SEC14L6: variants seen among roughly 807,000 people sequenced by gnomAD.
SEC14L6 encodes the protein SEC14-like protein 6.
A neutral mutation model predicts 54.1 loss-of-function variants in SEC14L6; 40 were observed. The ratio of observed to expected loss-of-function variants is 0.74; its 90% CI spans 0.57 to 0.96. SEC14L6 has a LOEUF of 0.96. SEC14L6 is among the 40% of genes least tolerant of loss of function. The pLI, the probability that SEC14L6 is intolerant of heterozygous loss-of-function variation, is 0.00. For missense variants in SEC14L6, 471 were observed against 498.3 expected (o/e 0.95, Z 0.52); for synonymous variants, 171 against 198.4 (o/e 0.86, Z 1.16).
chr22:30,535,811 A>T (rs1330320081), intron 2 of SEC14L6, among the ~76,000 whole-genome samples: 1 of 152,024 alleles, frequency 6.6e-6, no homozygotes, highest in Non-Finnish European at 1.5e-5. Context: ...CCCAGGCTCA[A>T]GTGATCCTCC....
In SEC14L6 at chr22:30,529,107, C is replaced by T; in HGVS notation, c.644G>A (p.Arg215Lys). The T allele has an allele frequency of 6.4e-7, 1 of 1,551,156 alleles. No homozygotes were observed. The highest frequency in any genetic ancestry group is 8.7e-7 in the Non-Finnish European group (1 of 1,147,092). ...VKSYMSEETRRKVVILGDNWK... is the reference protein window; with the variant it reads ...VKSYMSEETRKKVVILGDNWK... ...CTCACCTCCGAGAATCACCACCTTC[C>T]TGCGTGTCTCTTCACTCATGTAAGA... The change falls in exon 8 of 12, where the codon AGG becomes AAG. Residue 215 changes from arginine (R) to lysine (K), a missense_variant. Physicochemically the swap from Arg to Lys is conservative, Grantham distance 26. Transcript: ENST00000402034.
At chr22:30,543,163 G>A (rs1392300856) in intron 1 of SEC14L6, 3 of 1,603,698 alleles carry the variant, frequency 1.9e-6, no homozygotes, top group Non-Finnish European at 2.6e-6. Context: ...GACCAACGTG[G>A]ACCCCGCAAG....
At chr22:30,542,725 G>T (rs117106614) in intron 1 of SEC14L6, 30,708 of 1,452,534 alleles carry the variant, frequency 0.021, 430 homozygotes, top group Middle Eastern at 0.058. Context: ...AGAGTCGGCC[G>T]CTCTGCAGTG....
At chr22:30,544,169 T>G in intron 1 of SEC14L6, 2 of 951,966 alleles carry the variant, frequency 2.1e-6, no homozygotes, top group Non-Finnish European at 3.1e-6. Context: ...GCCAGCCCAG[T>G]TCCCGGAGGG....
chr22:30,528,422 CTTT>C (rs375073961), intron 8 of SEC14L6, among the ~76,000 whole-genome samples: 9 of 105,520 alleles, frequency 8.5e-5, no homozygotes, highest in Admixed American at 1.0e-4. Context: ...CGCTCGGCCT[CTTT>C]TTTTTTTTTT....
intron 8 of SEC14L6, 93 bp from the exon 9 acceptor site, chr22:30,526,025 G>C: frequency 2.8e-6 from 4 of 1,447,270 alleles, no homozygotes; most frequent in Non-Finnish European, 3.8e-6. Flanking sequence ...TTGGCCAGCT[G>C]CTCTCCCTCC....
At chr22:30,532,895 G>A (rs750583306) in intron 3 of SEC14L6, 39 bp from the exon 4 acceptor site, 7 of 1,603,594 alleles carry the variant, frequency 4.4e-6, no homozygotes, top group East Asian at 2.2e-5. Flanking sequence ...GATTCTGCCT[G>A]TCCCAAAGAC....
At position 30,529,345 on chromosome 22, in the gene SEC14L6, A is replaced by G. The variant is rs1166432370; in HGVS notation, c.524T>C (p.Phe175Ser). 2 of 1,550,526 alleles carry G rather than the reference A, an allele frequency of 1.3e-6. No individual in the cohort carries two copies. Among genetic ancestry groups the G allele is most frequent in the South Asian group, 2.4e-5 (2 of 84,054 alleles). ...KPGIELLQEFFSALEANYPEI... is the reference protein window; with the variant it reads ...KPGIELLQEFSSALEANYPEI... Reference sequence around the variant, plus strand: ...AGGGTAATTTGCTTCAAGTGCTGAGAAAAACTGCGGAACCAAGTGGCAGAA... The same window carrying G: ...AGGGTAATTTGCTTCAAGTGCTGAGGAAAACTGCGGAACCAAGTGGCAGAA... The change falls in exon 7 of 12, where the codon TTC becomes TCC. Residue 175 changes from phenylalanine to serine, a missense_variant. Phe to Ser is a radical substitution (Grantham distance 155, BLOSUM62 -2). Transcript: ENST00000402034.
At chr22:30,544,552 A>G (rs1311440604) in intron 1 of SEC14L6, among the ~76,000 whole-genome samples, 7 of 151,834 alleles carry the variant, frequency 4.6e-5, no homozygotes, top group Non-Finnish European at 8.8e-5. Flanking sequence ...TACCACTTCC[A>G]TGGAAAAGCT....
At chr22:30,545,918 C>T (rs1166940743) in intron 1 of SEC14L6, among the ~76,000 whole-genome samples, 1 of 152,028 alleles carries the variant, frequency 6.6e-6, no homozygotes, top group East Asian at 2.0e-4. Flanking sequence ...GCAACCTCCA[C>T]CTCCTGGGTT....
intron 5 of SEC14L6, 161 bp from the exon 6 acceptor site, chr22:30,532,159 C>T (rs1000661687): frequency 6.1e-6 from 6 of 985,310 alleles, no homozygotes; most frequent in Non-Finnish European, 4.8e-6. Context: ...ATGCCAGGAC[C>T]GGAGTGACCC....
intron 1 of SEC14L6, among the ~76,000 whole-genome samples, chr22:30,545,237 G>A (rs1217749250): frequency 6.6e-6 from 1 of 152,176 alleles, no homozygotes. Context: ...AGCTGAGGAC[G>A]TGACCTGCCA....
chr22:30,544,099 G>T (rs1235875249), intron 1 of SEC14L6: 1 of 1,432,632 alleles, frequency 7.0e-7, no homozygotes, highest in South Asian at 1.2e-5. Flanking sequence ...ACCGTGGTTT[G>T]CTCTAGCACC....
intron 8 of SEC14L6, among the ~76,000 whole-genome samples, chr22:30,526,666 G>A (rs945654363): frequency 1.3e-5 from 2 of 151,238 alleles, no homozygotes; most frequent in African/African-American, 4.9e-5. Flanking sequence ...GGAGGCAGAG[G>A]CTGCAGTGAG....
chr22:30,531,191 T>G (rs1036419946), intron 6 of SEC14L6, among the ~76,000 whole-genome samples: 1 of 152,088 alleles, frequency 6.6e-6, no homozygotes, highest in African/African-American at 2.4e-5. Context: ...GCAGATCACC[T>G]GAGGTCAGGA....
At chr22:30,541,921 C>G (rs1250580687) in intron 1 of SEC14L6, among the ~76,000 whole-genome samples, 1 of 152,210 alleles carries the variant, frequency 6.6e-6, no homozygotes, top group Non-Finnish European at 1.5e-5. Context: ...ACACATTCAG[C>G]CATTTTCTAA....
At chr22:30,540,928 A>G (rs1601900565) in intron 1 of SEC14L6, among the ~76,000 whole-genome samples, 1 of 151,844 alleles carries the variant, frequency 6.6e-6, no homozygotes, top group East Asian at 1.9e-4. Flanking sequence ...CTGAGGCACA[A>G]GAATTGCTTG....
At chr22:30,531,030 T>C (rs1277068039) in intron 6 of SEC14L6, among the ~76,000 whole-genome samples, 1 of 152,000 alleles carries the variant, frequency 6.6e-6, no homozygotes, top group Non-Finnish European at 1.5e-5. Flanking sequence ...CTGCTGAACA[T>C]GAGATGGTGA....
At position 30,538,289 on chromosome 22, in the gene SEC14L6, C is replaced by T. The variant is rs886268385; in HGVS notation, c.130+538G>A. Among the ~76,000 whole-genome samples, 3 of 150,768 alleles carry T rather than the reference C, an allele frequency of 2.0e-5. No homozygotes were observed. The South Asian group carries it at 6.3e-4, about 32-fold the overall frequency. On this transcript the variant is annotated intron_variant, in intron 2 of 11. Transcript: ENST00000402034. ...CGGAGGTTGCAGTGAGCCGAGATCA[C>T]GCCACTGCACTCCAGCCTGGGCAAC...
Sources: allele counts gnomAD v4.1 joint callset (sites outside exome capture counted in the v4.1 genomes callset), GRCh38; gene constraint gnomAD v4.1.1; transcripts MANE v1.5; gene names NCBI Gene and HGNC (gene_info 2026-07-23, HGNC 2026-07-21).